The following THSD7A variants were observed in gnomAD, a reference collection of about 807,000 sequenced individuals.
THSD7A encodes thrombospondin type-1 domain-containing protein 7A.
A neutral mutation model predicts 231.3 loss-of-function variants in THSD7A; 96 were observed. The observed-to-expected ratio is 0.41, with a 90% CI of 0.35 to 0.49. The LOEUF (loss-of-function observed/expected upper bound fraction) is 0.49. Among genes scored for constraint, THSD7A ranks in the 20% least tolerant of loss-of-function variants. The probability of loss-of-function intolerance (pLI) is 0.05; values close to 1 mark genes in which losing one functional copy is unlikely to be tolerated. For missense variants in THSD7A, 2,290 were observed against 2,070.2 expected (o/e 1.11, Z -2.06); for synonymous variants, 940 against 743.3 (o/e 1.26, Z -4.30).
chr7:11,745,142 G>C (rs1220268371), intron 1 of THSD7A, among the ~76,000 whole-genome samples: 3 of 152,040 alleles, frequency 2.0e-5, no homozygotes, highest in Non-Finnish European at 4.4e-5. Context: ...ACTCTAACTG[G>C]TGTGAGATGG....
At chr7:11,403,283 TAAG>T (rs1314914101) in intron 22 of THSD7A, among the ~76,000 whole-genome samples, 1 of 152,176 alleles carries the variant, frequency 6.6e-6, no homozygotes, top group Non-Finnish European at 1.5e-5. Flanking sequence ...GTGTCATGCC[TAAG>T]AAGTCCTGGT....
intron 11 of THSD7A, among the ~76,000 whole-genome samples, chr7:11,454,561 ATC>A (rs1296734413): frequency 1.4e-5 from 2 of 145,648 alleles, no homozygotes; most frequent in Admixed American, 6.9e-5. Flanking sequence ...ATCAGTGGTT[ATC>A]TCTTTTTTTT....
chr7:11,411,185 A>G lies in THSD7A; in HGVS notation c.3798+22T>C. On this transcript the variant is annotated intron_variant, in intron 19 of 27. Coordinates refer to ENST00000423059, the MANE Select transcript of THSD7A (RefSeq NM_015204.3). The surrounding 1 kb of genome is among the most constrained non-coding windows in gnomAD (Gnocchi z 4.1). ...ATTAGGGAAGAATTTACTCGCGAAG[A>G]TATAACACAGCATCCACCTACCGCT... 1 of 1,572,414 alleles carries G rather than the reference A, an allele frequency of 6.4e-7. No homozygotes were observed. Among genetic ancestry groups the G allele is most frequent in the South Asian group, 1.1e-5 (1 of 89,816 alleles).
At chr7:11,391,199 C>T (rs1017321400) in intron 23 of THSD7A, among the ~76,000 whole-genome samples, 1 of 152,144 alleles carries the variant, frequency 6.6e-6, no homozygotes, top group African/African-American at 2.4e-5. Context: ...CTCACAGTGC[C>T]CCTTGCCCCA....
chr7:11,729,599 C>A (rs1235375964), intron 1 of THSD7A, among the ~76,000 whole-genome samples: 1 of 151,752 alleles, frequency 6.6e-6, no homozygotes, highest in East Asian at 1.9e-4. Context: ...ATTTATACTA[C>A]AGGTTGTTTT....
intron 1 of THSD7A, among the ~76,000 whole-genome samples, chr7:11,799,896 A>G (rs1366510792): frequency 6.6e-6 from 1 of 152,198 alleles, no homozygotes; most frequent in Non-Finnish European, 1.5e-5. Flanking sequence ...TGATTATTGA[A>G]GCTCAAGATT....
chr7:11,434,747 C>T (rs1180071123), intron 13 of THSD7A, among the ~76,000 whole-genome samples: 2 of 151,454 alleles, frequency 1.3e-5, no homozygotes, highest in Non-Finnish European at 2.9e-5. Context: ...GTGGTCCTCA[C>T]AGGCTGGAAA....
At chr7:11,792,454 T>G (rs142888109) in intron 1 of THSD7A, among the ~76,000 whole-genome samples, 2,429 of 152,072 alleles carry the variant, frequency 0.016, 27 homozygotes, top group South Asian at 0.042. Context: ...TATTACCAAC[T>G]TTCCTCCCCC....
At chr7:11,624,893 T>A (rs1781430400) in intron 2 of THSD7A, among the ~76,000 whole-genome samples, 1 of 152,138 alleles carries the variant, frequency 6.6e-6, no homozygotes, top group East Asian at 1.9e-4. Flanking sequence ...CCTTCACCTA[T>A]TTTGTATTTA....
In THSD7A at chr7:11,692,351, C is replaced by G. The variant is rs150217653; in HGVS notation, c.191-55390G>C. On this transcript the variant is annotated intron_variant, in intron 1 of 27. Coordinates refer to ENST00000423059, the MANE Select transcript of THSD7A (RefSeq NM_015204.3). Reference sequence around the variant, plus strand: ...GTAAATAAAATAGATACCTCAGTCTCTACAGTTAAAGGAAGGGTGCATTAC... The same window carrying G: ...GTAAATAAAATAGATACCTCAGTCTGTACAGTTAAAGGAAGGGTGCATTAC... 3.2e-4 allele frequency among the ~76,000 whole-genome samples: 48 copies of G among 151,676 alleles called. No homozygotes were observed. In the East Asian group the frequency reaches 7.8e-3, roughly 25 times the overall value.
At chr7:11,402,132 A>ATAAC (rs1409767932) in intron 22 of THSD7A, among the ~76,000 whole-genome samples, 164 bp from the exon 23 acceptor site, 1 of 152,236 alleles carries the variant, frequency 6.6e-6, no homozygotes, top group African/African-American at 2.4e-5. Context: ...TTGTAATTGT[A>ATAAC]TAACTTTGTA....
At chr7:11,384,586 T>C (rs1782655473) in intron 23 of THSD7A, 1 of 151,962 alleles carries the variant, frequency 6.6e-6, no homozygotes, top group Non-Finnish European at 1.5e-5. Context: ...TAACACATTT[T>C]GGCAATATTA....
intron 1 of THSD7A, among the ~76,000 whole-genome samples, chr7:11,756,573 C>G (rs1252416419): frequency 6.6e-6 from 1 of 150,930 alleles, no homozygotes; most frequent in East Asian, 2.0e-4. Flanking sequence ...ATCACGGGGA[C>G]AGAAAGCAAA....
At chr7:11,523,868 A>G (rs1393223214) in intron 6 of THSD7A, among the ~76,000 whole-genome samples, 1 of 152,124 alleles carries the variant, frequency 6.6e-6, no homozygotes, top group Non-Finnish European at 1.5e-5. Context: ...CCTTTAGTAC[A>G]TATTGTACAC....
intron 1 of THSD7A, among the ~76,000 whole-genome samples, chr7:11,667,917 G>T (rs1330698948): frequency 6.6e-6 from 1 of 152,106 alleles, no homozygotes; most frequent in Non-Finnish European, 1.5e-5. Context: ...GCATATTAAC[G>T]TTAATGTAAC....
chr7:11,783,851 T>C (rs993818558), intron 1 of THSD7A, among the ~76,000 whole-genome samples: 1 of 152,102 alleles, frequency 6.6e-6, no homozygotes, highest in South Asian at 2.1e-4. Flanking sequence ...AAAGAGGAAA[T>C]ATTTGTCTCT....
chr7:11,644,710 A>G (rs1368133469), intron 1 of THSD7A, among the ~76,000 whole-genome samples: 2 of 152,026 alleles, frequency 1.3e-5, no homozygotes, highest in African/African-American at 4.8e-5. Flanking sequence ...AGCTGATTTT[A>G]CAATGCTAAA....
intron 6 of THSD7A, among the ~76,000 whole-genome samples, chr7:11,500,939 A>C (rs1787308052): frequency 1.5e-5 from 2 of 134,940 alleles, no homozygotes; most frequent in South Asian, 4.9e-4. Flanking sequence ...GTCTCAAAAA[A>C]AGAAAGAAAA....
chr7:11,451,233 A>C (rs1161818363), intron 11 of THSD7A, among the ~76,000 whole-genome samples: 1 of 152,056 alleles, frequency 6.6e-6, no homozygotes, highest in Non-Finnish European at 1.5e-5. Flanking sequence ...ACCAAATGCA[A>C]CGTGGAGACC....
Sources: allele counts gnomAD v4.1 joint callset (sites outside exome capture counted in the v4.1 genomes callset), GRCh38; gene constraint gnomAD v4.1.1; non-coding constraint Gnocchi (gnomAD v3.1); transcripts MANE v1.5; gene names NCBI Gene and HGNC (gene_info 2026-07-23, HGNC 2026-07-21).